The following STRN3 variants were observed in gnomAD, a reference collection of about 807,000 sequenced individuals.
The protein encoded by STRN3 is striatin-3.
STRN3 carries 29 observed loss-of-function variants against 95.6 expected under a neutral mutation model. The observed-to-expected ratio is 0.30, with a 90% confidence interval of 0.23 to 0.41. The LOEUF (loss-of-function observed/expected upper bound fraction) is 0.41. Among genes scored for constraint, STRN3 ranks in the 10% least tolerant of loss-of-function variants. The pLI is 1.00. For missense variants in STRN3, 890 were observed against 972.1 expected (o/e 0.92, Z 1.12); for synonymous variants, 331 against 357.6 (o/e 0.93, Z 0.84).
intron 1 of STRN3, among the ~76,000 whole-genome samples, chr14:31,014,491 A>G (rs1883144623): frequency 6.6e-6 from 1 of 152,190 alleles, no homozygotes; most frequent in South Asian, 2.1e-4. Flanking sequence ...AAGTGCTGGG[A>G]TTACAGGCGT....
chr14:30,908,191 T>C (rs1001420966), intron 13 of STRN3, among the ~76,000 whole-genome samples: 2 of 152,132 alleles, frequency 1.3e-5, no homozygotes, highest in African/African-American at 4.8e-5. Context: ...CTTGGAATCA[T>C]TACCATAGTG....
intron 9 of STRN3, among the ~76,000 whole-genome samples, chr14:30,915,795 A>G (rs146173127): frequency 3.3e-5 from 5 of 152,320 alleles, no homozygotes; most frequent in African/African-American, 1.2e-4. Flanking sequence ...GCCCAATAAA[A>G]TAACTTTAAC....
chr14:30,943,993 T>C (rs992262940), intron 5 of STRN3, among the ~76,000 whole-genome samples: 2 of 152,056 alleles, frequency 1.3e-5, no homozygotes, highest in Non-Finnish European at 1.5e-5. Flanking sequence ...ACTTTAAAGT[T>C]TGTTGAGAGG....
intron 1 of STRN3, among the ~76,000 whole-genome samples, chr14:30,960,688 T>G (rs1880149488): frequency 6.6e-6 from 1 of 151,414 alleles, no homozygotes; most frequent in African/African-American, 2.4e-5. Context: ...GCTAACACGG[T>G]GAAACCCCGC....
intron 1 of STRN3, chr14:31,018,512 T>C: frequency 2.4e-6 from 1 of 425,248 alleles, no homozygotes; most frequent in South Asian, 1.7e-5. Flanking sequence ...GGAACTTGGA[T>C]GCGAAACAAC....
intron 1 of STRN3, among the ~76,000 whole-genome samples, chr14:30,969,796 T>C (rs1209405863): frequency 6.6e-6 from 1 of 152,034 alleles, no homozygotes; most frequent in Non-Finnish European, 1.5e-5. Context: ...AAACTAAAAG[T>C]CTTTTAGCAC....
Position 30,894,841 on chromosome 14 carries a change from C to A in STRN3, c.*570G>T. ...GACTTATAAAAACTAGAATTTTATC[C>A]AAACATTTTGTGCAACTAATGCTAA... On this transcript the variant is annotated 3_prime_UTR_variant, in exon 18 of 18. Transcript: ENST00000357479. The A allele has an allele frequency of 2.0e-6, 1 of 509,318 alleles. No individual in the cohort carries two copies. The allele number at this position is 509,318 out of a possible 1,614,324, so 31.5% of individuals were successfully genotyped here.
intron 1 of STRN3, among the ~76,000 whole-genome samples, chr14:31,022,440 C>A (rs1233531231): frequency 1.3e-5 from 2 of 151,154 alleles, no homozygotes; most frequent in Non-Finnish European, 2.9e-5. Flanking sequence ...TTAGCTATGT[C>A]ATATTTTTAC....
chr14:30,957,180 C>T (rs990926203), intron 1 of STRN3, among the ~76,000 whole-genome samples: 38 of 146,350 alleles, frequency 2.6e-4, no homozygotes, highest in Admixed American at 7.5e-4. Context: ...AGGGGCCGAG[C>T]GCGGCGGCTC....
At position 30,912,265 on chromosome 14, in the gene STRN3, T is replaced by C. The variant is rs1896630925; in HGVS notation, c.1375-83A>G. 3.8e-6 allele frequency: 5 copies of C among 1,305,694 alleles called. No homozygotes were observed. The Admixed American group carries it at 1.3e-4, about 33-fold the overall frequency. The allele number at this position is 1,305,694 out of a possible 1,614,324, so 80.9% of individuals were successfully genotyped here. On this transcript the variant is annotated intron_variant, in intron 10 of 17. Coordinates refer to ENST00000357479, the MANE Select transcript of STRN3 (RefSeq NM_001083893.2). ...AGTGTTTGTTCGTTTCTTTTTGGTG[T>C]GTTTAACACATATATTTAAAACTGT...
chr14:31,006,618 C>G (rs1247019572), intron 1 of STRN3, among the ~76,000 whole-genome samples: 1 of 152,046 alleles, frequency 6.6e-6, no homozygotes, highest in Non-Finnish European at 1.5e-5. Context: ...TCACTTGAAC[C>G]TGGGAGGCAG....
At position 30,895,767 on chromosome 14, in the gene STRN3, A is replaced by T. The variant is rs751985350; in HGVS notation, c.2138-19T>A. 6 of 1,593,096 alleles carry T rather than the reference A, an allele frequency of 3.8e-6. No homozygotes were observed. Among genetic ancestry groups the T allele is most frequent in the Non-Finnish European group, 5.1e-6 (6 of 1,171,160 alleles). On this transcript the variant is annotated intron_variant, in intron 16 of 17. Transcript: ENST00000357479. ...ATTTTACCTAAACAAAACATAACAGAGAACTGATTAAGTTTTCACAAATAC... is the reference window on the plus strand; with the variant it reads ...ATTTTACCTAAACAAAACATAACAGTGAACTGATTAAGTTTTCACAAATAC...
chr14:30,919,309 G>T lies in STRN3; in HGVS notation c.1100-203C>A, dbSNP rs537904659. On this transcript the variant is annotated intron_variant, in intron 8 of 17. Coordinates refer to ENST00000357479, the MANE Select transcript of STRN3 (RefSeq NM_001083893.2). The stretch of plus-strand genomic sequence containing the variant: ...AATATTTACTATTTCTGTGGAGAGA[G>T]AGATATATATAAAGATACATATCTA... Among the ~76,000 whole-genome samples the T allele has an allele frequency of 2.7e-3, 412 of 151,704 alleles. 2 individuals are homozygous for T. The highest frequency in any genetic ancestry group is 9.8e-3 in the African/African-American group (403 of 41,284).
intron 5 of STRN3, among the ~76,000 whole-genome samples, chr14:30,936,978 C>T (rs775588332): frequency 6.6e-6 from 1 of 152,144 alleles, no homozygotes; most frequent in South Asian, 2.1e-4. Flanking sequence ...ACTACAACCT[C>T]TTACAGTTTG....
rs1452994149 is a variant in STRN3 at position 31,026,131 on chromosome 14, G to A, written c.55C>T (p.Arg19Trp). Residue 19 changes from arginine to tryptophan, a missense_variant, in exon 1 of 18, where the codon CGG (arginine) becomes TGG (tryptophan). Around this residue, in one of 3 missense-constraint regions of STRN3, gnomAD observed 526 missense variants for 526.3 expected, o/e 1.00. Coordinates refer to ENST00000357479, the MANE Select transcript of STRN3 (RefSeq NM_001083893.2). ...TTCCCCCCAGGTCCCTGCTGCTGCCGGGGAGGGGCCGCCATCCCCGGGCCG... is the reference window on the plus strand; with the variant it reads ...TTCCCCCCAGGTCCCTGCTGCTGCCAGGGAGGGGCCGCCATCCCCGGGCCG... ...GGGPGMAAPP[R>W]QQQGPGGNLG... 3 of 1,498,416 alleles carry A rather than the reference G, an allele frequency of 2.0e-6. No homozygotes were observed. Among genetic ancestry groups the A allele is most frequent in the Non-Finnish European group, 2.7e-6 (3 of 1,129,832 alleles). The allele number at this position is 1,498,416 out of a possible 1,614,324, so 92.8% of individuals were successfully genotyped here.
intron 8 of STRN3, among the ~76,000 whole-genome samples, chr14:30,919,839 C>T (rs1896836816): frequency 6.6e-6 from 1 of 152,040 alleles, no homozygotes. Flanking sequence ...ATATAAAACT[C>T]AAAAGCTTCT....
intron 8 of STRN3, among the ~76,000 whole-genome samples, chr14:30,927,669 T>C (rs1428870370): frequency 6.6e-6 from 1 of 151,846 alleles, no homozygotes; most frequent in Non-Finnish European, 1.5e-5. Flanking sequence ...CTCACGCCTG[T>C]AATCCCAGCA....
At chr14:30,997,467 G>A (rs1241256380) in intron 1 of STRN3, among the ~76,000 whole-genome samples, 4 of 152,044 alleles carry the variant, frequency 2.6e-5, no homozygotes, top group Non-Finnish European at 4.4e-5. Context: ...ATTAGAGCCC[G>A]CCAAAGTTAT....
At chr14:30,996,744 T>C (rs754049846) in intron 1 of STRN3, among the ~76,000 whole-genome samples, 12 of 152,122 alleles carry the variant, frequency 7.9e-5, no homozygotes, top group Non-Finnish European at 1.6e-4. Context: ...TGTGCACCTG[T>C]AGTCCCAGCT....
Sources: allele counts gnomAD v4.1 joint callset (sites outside exome capture counted in the v4.1 genomes callset), GRCh38; gene constraint gnomAD v4.1.1; regional missense constraint gnomAD v4.1.1; transcripts MANE v1.5; gene names NCBI Gene and HGNC (gene_info 2026-07-23, HGNC 2026-07-21).